GBA1: variants seen among roughly 807,000 people sequenced by gnomAD.
GBA1 encodes the protein glucosylceramidase beta 1, also known as lysosomal acid glucosylceramidase.
chr1:155,242,350 G>A, the GBA1 span, among the ~76,000 whole-genome samples: 6 of 152,144 alleles, frequency 3.9e-5, no homozygotes, highest in East Asian at 1.2e-3. Flanking sequence ...AGCCTCCCAA[G>A]TAGCTGGGAT....
chr1:155,235,264 T>G, the GBA1 span: 4 of 1,613,780 alleles, frequency 2.5e-6, no homozygotes, highest in African/African-American at 5.3e-5. Context: ...GTCGTTCTTC[T>G]GACTGGCAAC....
chr1:155,239,705 C>T, the GBA1 span: 1 of 1,613,934 alleles, frequency 6.2e-7, no homozygotes, highest in African/African-American at 1.3e-5. Flanking sequence ...TGTCATGGCC[C>T]CTCCAAATCC....
the GBA1 span, chr1:155,240,149 G>C: frequency 2.1e-6 from 3 of 1,409,948 alleles, no homozygotes; most frequent in Non-Finnish European, 3.0e-6. Context: ...TGCTAGGAGA[G>C]ACTGAACACG....
chr1:155,244,240 G>C, the GBA1 span: 6 of 151,794 alleles, frequency 4.0e-5, no homozygotes, highest in Non-Finnish European at 5.9e-5. Context: ...TCTACTAAAA[G>C]ATACAAAAAA....
chr1:155,243,797 C>T, the GBA1 span, among the ~76,000 whole-genome samples: 134 of 151,120 alleles, frequency 8.9e-4, 1 homozygote, highest in African/African-American at 3.1e-3. Context: ...TTTTTTGAGA[C>T]GGAGTATCTC....
chr1:155,237,479 G>A, the GBA1 span: 1 of 1,614,002 alleles, frequency 6.2e-7, no homozygotes, highest in South Asian at 1.1e-5. Flanking sequence ...TGAAGCCCAG[G>A]CACTGGAAGG....
At chr1:155,237,356 G>A in the GBA1 span, 2 of 1,613,940 alleles carry the variant, frequency 1.2e-6, no homozygotes, top group Non-Finnish European at 1.7e-6. Context: ...TTGCCCAGTG[G>A]GGCAGCAGCA....
At chr1:155,244,470 C>T in the GBA1 span, 4 of 152,200 alleles carry the variant, frequency 2.6e-5, no homozygotes, top group Admixed American at 2.6e-4. Context: ...GAGGGGACAG[C>T]TAAGATCCAA....
the GBA1 span, chr1:155,235,195 C>A: frequency 1.9e-6 from 3 of 1,612,412 alleles, no homozygotes; most frequent in Non-Finnish European, 1.7e-6. Flanking sequence ...TTGCCCTCAC[C>A]GGTTTAGCAC....
chr1:155,240,025 G>A, the GBA1 span: 139 of 1,613,988 alleles, frequency 8.6e-5, no homozygotes, highest in South Asian at 1.6e-4. Flanking sequence ...TGGCATTGCA[G>A]ACACACACCA....
At chr1:155,241,339 A>G in the GBA1 span, 3 of 620,252 alleles carry the variant, frequency 4.8e-6, no homozygotes, top group Non-Finnish European at 2.9e-6. Flanking sequence ...CTAAAGGGCA[A>G]TTGGCTTCCT....
At chr1:155,243,940 G>A in the GBA1 span, among the ~76,000 whole-genome samples, 2 of 152,024 alleles carry the variant, frequency 1.3e-5, no homozygotes, top group Non-Finnish European at 2.9e-5. Context: ...CAACCCCGAC[G>A]CTCGTCGCCG....
the GBA1 span, chr1:155,235,757 C>T: frequency 5.0e-6 from 8 of 1,613,982 alleles, no homozygotes; most frequent in South Asian, 1.1e-5. Context: ...ATGGGACTGT[C>T]GACAAAGTTA....
At chr1:155,235,843 T>C in the GBA1 span, 3,223 of 1,613,914 alleles carry the variant, frequency 2.0e-3, 8 homozygotes, top group Non-Finnish European at 1.7e-3. Flanking sequence ...GTACAGGAGG[T>C]TCTAGGGTAA....
chr1:155,241,097 G>C, the GBA1 span: 2 of 1,613,852 alleles, frequency 1.2e-6, no homozygotes, highest in Non-Finnish European at 8.5e-7. Context: ...TCTCTGGAAG[G>C]ACTTGAAAAC....
chr1:155,235,431 C>G, the GBA1 span: 2 of 1,526,316 alleles, frequency 1.3e-6, no homozygotes. Context: ...CCCTGGCTCT[C>G]TAGGCCTGGA....
chr1:155,235,871 C>T, the GBA1 span: 1 of 1,614,090 alleles, frequency 6.2e-7, no homozygotes, highest in Admixed American at 1.7e-5. Flanking sequence ...GGCAAAGAGA[C>T]AAAGGCGCAA....
chr1:155,238,175 G>A, the GBA1 span: 42 of 1,614,030 alleles, frequency 2.6e-5, no homozygotes, highest in Middle Eastern at 3.3e-4. Context: ...AGATGTCTCC[G>A]GGCTGTCCCT....
chr1:155,239,823 C>T, the GBA1 span: 1 of 1,613,320 alleles, frequency 6.2e-7, no homozygotes, highest in Non-Finnish European at 8.5e-7. Context: ...ATGGTGATCA[C>T]TGACACCATT....
Sources: allele counts gnomAD v4.1 joint callset (sites outside exome capture counted in the v4.1 genomes callset), GRCh38; gene constraint gnomAD v4.1.1; transcripts MANE v1.5; gene names NCBI Gene and HGNC (gene_info 2026-07-23, HGNC 2026-07-21).